Variants in MET observed in about 807,000 individuals in gnomAD.
The protein encoded by MET is hepatocyte growth factor receptor.
MET carries 48 observed loss-of-function variants against 133.1 expected under a neutral mutation model. The ratio of observed to expected loss-of-function variants is 0.36; its 90% CI spans 0.29 to 0.46. The LOEUF (loss-of-function observed/expected upper bound fraction) is 0.46. Among genes scored for constraint, MET ranks in the 20% least tolerant of loss-of-function variants. The probability of loss-of-function intolerance (pLI) is 1.00; values close to 1 mark genes in which losing one functional copy is unlikely to be tolerated. For synonymous variants in MET, 628 were observed against 616.5 expected, an observed-to-expected ratio of 1.02 and a Z score of -0.28; for missense variants, 1,442 against 1,695.9, an observed-to-expected ratio of 0.85 and a Z score of 2.63.
chr7:116,749,979 T>C (rs1793852198), intron 5 of MET, among the ~76,000 whole-genome samples: 1 of 152,114 alleles, frequency 6.6e-6, no homozygotes, highest in Non-Finnish European at 1.5e-5. Flanking sequence ...ATAGGAAGAC[T>C]CAATATTGTG....
At chr7:116,695,173 T>C (rs1211582818) in intron 1 of MET, among the ~76,000 whole-genome samples, 1 of 152,204 alleles carries the variant, frequency 6.6e-6, no homozygotes, top group Non-Finnish European at 1.5e-5. Flanking sequence ...GATACACTGA[T>C]ACCATATTGA....
intron 19 of MET, among the ~76,000 whole-genome samples, chr7:116,785,646 A>G (rs1795289285): frequency 6.6e-6 from 1 of 152,204 alleles, no homozygotes; most frequent in Non-Finnish European, 1.5e-5. Flanking sequence ...AATCCAAACC[A>G]TATCAATCAT....
At chr7:116,786,595 A>G (rs1006564393) in intron 19 of MET, among the ~76,000 whole-genome samples, 1 of 152,208 alleles carries the variant, frequency 6.6e-6, no homozygotes, top group Non-Finnish European at 1.5e-5. Flanking sequence ...AAGCTGAGTA[A>G]CTTGAGTGAT....
chr7:116,797,711 A>G lies in MET; in HGVS notation c.*1587A>G. On this transcript the variant is annotated 3_prime_UTR_variant, in exon 21 of 21. Coordinates refer to ENST00000397752, the MANE Select transcript of MET (RefSeq NM_000245.4). ...GCACTGTGAACATTTTAGAAAAGGT[A>G]TGTCAGACTGGGATTAATGACAGCA... 1 of 227,578 alleles carries G rather than the reference A, an allele frequency of 4.4e-6. No individual in the cohort carries two copies. The highest frequency in any genetic ancestry group is 8.7e-6 in the Non-Finnish European group (1 of 114,286). 14.1% of individuals were successfully genotyped at this position (227,578 alleles called of 1,614,324 possible).
chr7:116,748,126 C>A (rs1793766885), intron 5 of MET, among the ~76,000 whole-genome samples: 2 of 152,178 alleles, frequency 1.3e-5, no homozygotes, highest in South Asian at 4.1e-4. Context: ...CGCCTGTAGT[C>A]CCAGCTACTC....
At chr7:116,778,648 G>T in intron 16 of MET, 128 bp from the exon 17 acceptor site, 1 of 985,154 alleles carries the variant, frequency 1.0e-6, no homozygotes. Flanking sequence ...AGAACACTCT[G>T]CAGTCAAACC....
chr7:116,744,975 G>C (rs768957279), intron 5 of MET, among the ~76,000 whole-genome samples: 39 of 152,300 alleles, frequency 2.6e-4, no homozygotes, highest in Non-Finnish European at 4.6e-4. Context: ...ATTAGGAAAA[G>C]AGGAAGTCAA....
At chr7:116,751,472 G>A (rs1006475498) in intron 5 of MET, among the ~76,000 whole-genome samples, 4 of 152,150 alleles carry the variant, frequency 2.6e-5, no homozygotes, top group African/African-American at 9.7e-5. Context: ...ACCTAATGTA[G>A]ATGACAGATA....
chr7:116,785,408 G>C (rs534706980), intron 19 of MET, among the ~76,000 whole-genome samples: 1 of 151,892 alleles, frequency 6.6e-6, no homozygotes, highest in South Asian at 2.1e-4. Context: ...AGGACCAAGT[G>C]GGGGGAGGGG....
At chr7:116,702,916 T>C (rs1003706270) in intron 2 of MET, among the ~76,000 whole-genome samples, 4 of 151,978 alleles carry the variant, frequency 2.6e-5, no homozygotes, top group Non-Finnish European at 4.4e-5. Context: ...ATTTTAGGGG[T>C]CCAGCAGGTG....
intron 1 of MET, among the ~76,000 whole-genome samples, chr7:116,686,807 T>A (rs1285861148): frequency 6.6e-6 from 1 of 152,220 alleles, no homozygotes; most frequent in Non-Finnish European, 1.5e-5. Context: ...TGCAGCTTCC[T>A]GGACAACCCT....
At chr7:116,716,519 AAGAAAGAAAGAAAGAAAG>A (rs1792241334) in intron 2 of MET, among the ~76,000 whole-genome samples, 2 of 151,756 alleles carry the variant, frequency 1.3e-5, no homozygotes, top group Admixed American at 1.3e-4. Context: ...GAAAGAAAGA[AAGAAAGAAAGAAAGAAAG>A]AAGATATGAA....
chr7:116,741,428 A>G (rs1005526171), intron 5 of MET, among the ~76,000 whole-genome samples: 1 of 152,062 alleles, frequency 6.6e-6, no homozygotes, highest in Non-Finnish European at 1.5e-5. Flanking sequence ...GCCACTTCCT[A>G]TATAGGCCAA....
chr7:116,754,893 GAGAAAGAAAGAAAGAA>G (rs542934651), intron 5 of MET, among the ~76,000 whole-genome samples: 5,666 of 97,258 alleles, frequency 0.058, 383 homozygotes, highest in Admixed American at 0.1. Context: ...GAGAGAAAGA[GAGAAAGAAAGAAAGAA>G]AGAAAGAAAG....
chr7:116,732,910 A>G (rs1002835268), intron 3 of MET, among the ~76,000 whole-genome samples: 1 of 152,188 alleles, frequency 6.6e-6, no homozygotes, highest in African/African-American at 2.4e-5. Context: ...TTCAAGGTCA[A>G]AAACCATGTA....
intron 12 of MET, among the ~76,000 whole-genome samples, chr7:116,770,556 A>G (rs1794800236): frequency 1.3e-5 from 2 of 152,070 alleles, no homozygotes; most frequent in Non-Finnish European, 2.9e-5. Flanking sequence ...ATACTCTATA[A>G]CCAATAAGCA....
chr7:116,722,635 A>G (rs1191569963), intron 2 of MET, among the ~76,000 whole-genome samples: 32 of 148,694 alleles, frequency 2.2e-4, no homozygotes, highest in African/African-American at 7.4e-4. Context: ...GTTCCTTTCC[A>G]TGTTTAGCGC....
At chr7:116,772,020 C>G (rs1278191312) in intron 14 of MET, 31 bp downstream of exon 14, 4 of 1,610,146 alleles carry the variant, frequency 2.5e-6, no homozygotes, top group South Asian at 1.1e-5. Flanking sequence ...CTGAGAAATA[C>G]CTATACATAT....
chr7:116,677,969 TTCTCTCTCTCTCTC>T (rs760091049), intron 1 of MET, among the ~76,000 whole-genome samples: 1 of 93,444 alleles, frequency 1.1e-5, no homozygotes, highest in South Asian at 3.6e-4. Flanking sequence ...AATATTGTCT[TTCTCTCTCTCTCTC>T]TCTGTCTCTC....
Sources: allele counts gnomAD v4.1 joint callset (sites outside exome capture counted in the v4.1 genomes callset), GRCh38; gene constraint gnomAD v4.1.1; transcripts MANE v1.5; gene names NCBI Gene and HGNC (gene_info 2026-07-23, HGNC 2026-07-21).